Variants in COL11A2 observed in about 807,000 individuals in gnomAD.
COL11A2 encodes the protein collagen type XI alpha 2 chain.
In COL11A2, 116 loss-of-function variants were observed where a neutral mutation model predicts 273.4. The ratio of observed to expected loss-of-function variants is 0.42; its 90% CI spans 0.36 to 0.49. COL11A2 has a LOEUF of 0.49. Among genes scored for constraint, COL11A2 ranks in the 20% least tolerant of loss-of-function variants. COL11A2 has a pLI of 0.00. For synonymous variants in COL11A2, 782 were observed against 864.2 expected, an observed-to-expected ratio of 0.90 and a Z score of 1.67; for missense variants, 1,866 against 2,309.0, an observed-to-expected ratio of 0.81 and a Z score of 3.93.
In COL11A2 at chr6:33,176,417, C is replaced by T. The variant is rs781212829; in HGVS notation, c.2169+16G>A. 7.4e-6 allele frequency: 12 copies of T among 1,612,150 alleles called. No individual in the cohort carries two copies. In the Admixed American group the frequency reaches 2.0e-4, roughly 27 times the overall value. Reference sequence around the variant, plus strand: ...CTGACCACAGCCCTTTGTCTCCCAGCCTGGTGGTCAGTTACCTTGACCCCT... The same window carrying T: ...CTGACCACAGCCCTTTGTCTCCCAGTCTGGTGGTCAGTTACCTTGACCCCT... On this transcript the variant is annotated intron_variant, in intron 27 of 65. Transcript: ENST00000341947. This position sits in a 1 kb window ranked among gnomAD's most constrained non-coding sequence, Gnocchi z 4.9.
upstream of COL11A2, among the ~76,000 whole-genome samples, chr6:33,193,294 G>A (rs951658398): frequency 1.5e-4 from 23 of 151,922 alleles, no homozygotes; most frequent in Admixed American, 1.5e-3. Context: ...CCGGAGGGAA[G>A]GCCGCAGCGA....
In COL11A2 at chr6:33,177,949, T is replaced by C; in HGVS notation, c.1872+183A>G. On this transcript the variant is annotated intron_variant, in intron 21 of 65. Coordinates refer to ENST00000341947, the MANE Select transcript of COL11A2 (RefSeq NM_080680.3). This position sits in a 1 kb window ranked among gnomAD's most constrained non-coding sequence, Gnocchi z 5.9. The stretch of plus-strand genomic sequence containing the variant: ...AGAGCCCTCAGGGCACCACGCCACA[T>C]GGCCCTCCCTGTGCACGGGGAGCGA... 1 of 781,666 alleles carries C rather than the reference T, an allele frequency of 1.3e-6. No homozygotes were observed. The highest frequency in any genetic ancestry group is 2.1e-6 in the Non-Finnish European group (1 of 479,048). The allele number at this position is 781,666 out of a possible 1,614,324, so 48.4% of individuals were successfully genotyped here. A position where few individuals can be genotyped will look rare whatever the true frequency, so the allele number is the denominator to read the frequency against.
In COL11A2 at chr6:33,178,949, G is replaced by C. The variant is rs149697159; in HGVS notation, c.1636C>G (p.Arg546Gly). 4.5e-5 allele frequency: 72 copies of C among 1,614,034 alleles called. No individual in the cohort carries two copies. The African/African-American group carries it at 8.3e-4, about 19-fold the overall frequency. ...ACTCCAGGATCTCCAGGCATCCCTCGGGCTCCATCAGCACCTGCCCGGCCC... is the reference window on the plus strand; with the variant it reads ...ACTCCAGGATCTCCAGGCATCCCTCCGGCTCCATCAGCACCTGCCCGGCCC... The part of the protein sequence containing the change: ...RRGRAGADGA[R>G]GMPGDPGVKG... Residue 546 changes from arginine to glycine, a missense_variant, in exon 17 of 66, where the codon CGA (arginine) becomes GGA (glycine). Physicochemically the swap from Arg to Gly is moderately radical, Grantham distance 125 (BLOSUM62 -2). Transcript: ENST00000341947. This position sits in a 1 kb window ranked among gnomAD's most constrained non-coding sequence, Gnocchi z 4.6.
Position 33,170,901 on chromosome 6 carries a change from G to A in COL11A2, c.3383C>T (p.Pro1128Leu), listed in dbSNP as rs780328233. ...QPGAAGADGEPGARGPQGHFG... is the reference protein window; with the variant it reads ...QPGAAGADGELGARGPQGHFG... ...GTGTCCCTGGGGTCCCCGAGCTCCG[G>A]GCTCCCCATCTGCTCCCTGCAGGGT... Residue 1128 changes from proline to leucine, a missense_variant, in exon 46 of 66, where the codon CCC (proline) becomes CTC (leucine). Coordinates refer to ENST00000341947, the MANE Select transcript of COL11A2 (RefSeq NM_080680.3). The surrounding 1 kb of genome is among the most constrained non-coding windows in gnomAD (Gnocchi z 4.3). The A allele has an allele frequency of 5.0e-6, 8 of 1,612,882 alleles. No individual in the cohort carries two copies. Among genetic ancestry groups the A allele is most frequent in the Non-Finnish European group, 5.1e-6 (6 of 1,179,968 alleles).
At position 33,176,569 on chromosome 6, in the gene COL11A2, A is replaced by T; in HGVS notation, c.2116-83T>A. Reference sequence around the variant, plus strand: ...TCCAGGGGTGGAAGAAATGGAAGTAACAACATTGCTGTCTGGGTAGGGTTA... The same window carrying T: ...TCCAGGGGTGGAAGAAATGGAAGTATCAACATTGCTGTCTGGGTAGGGTTA... On this transcript the variant is annotated intron_variant, in intron 26 of 65. Coordinates refer to ENST00000341947, the MANE Select transcript of COL11A2 (RefSeq NM_080680.3). The surrounding 1 kb of genome is among the most constrained non-coding windows in gnomAD (Gnocchi z 4.9). 7.0e-7 allele frequency: 1 copy of T among 1,438,134 alleles called. No homozygotes were observed. Among genetic ancestry groups the T allele is most frequent in the East Asian group, 2.3e-5 (1 of 43,784 alleles). 89.1% of individuals were successfully genotyped at this position (1,438,134 alleles called of 1,614,324 possible). A position where few individuals can be genotyped will look rare whatever the true frequency, so the allele number is the denominator to read the frequency against.
Position 33,178,287 on chromosome 6 carries a change from C to G in COL11A2, c.1818+21G>C, listed in dbSNP as rs528019064. 6.8e-6 allele frequency: 11 copies of G among 1,612,904 alleles called. No homozygotes were observed. In the African/African-American group the frequency reaches 1.2e-4, roughly 18 times the overall value. ...GCTTCCCCAGAGCCCCCTCCCCCAG[C>G]ACCAGCCCTTGGACACTCACCGACT... On this transcript the variant is annotated intron_variant, in intron 20 of 65. Transcript: ENST00000341947. The surrounding 1 kb of genome is among the most constrained non-coding windows in gnomAD (Gnocchi z 4.6).
chr6:33,172,444 C>T (rs550416164), intron 39 of COL11A2, 66 bp from the exon 40 acceptor site: 26 of 1,554,740 alleles, frequency 1.7e-5, no homozygotes, highest in East Asian at 1.4e-4. Context: ...GCTCTCCAGC[C>T]CCCCCTCAAA....
intron 40 of COL11A2, 60 bp downstream of exon 40, chr6:33,172,229 G>A: frequency 6.4e-7 from 1 of 1,573,748 alleles, no homozygotes; most frequent in Non-Finnish European, 8.7e-7. Flanking sequence ...GACAGGGTCG[G>A]GGTGGGGACT....
chr6:33,182,032 T>C (rs964297860), intron 8 of COL11A2, among the ~76,000 whole-genome samples: 30 of 152,258 alleles, frequency 2.0e-4, no homozygotes, highest in African/African-American at 6.5e-4. Flanking sequence ...CCCAGCACTT[T>C]GGGAGGCGGA....
Position 33,172,279 on chromosome 6 carries a change from T to C in COL11A2, c.2988+10A>G. On this transcript the variant is annotated intron_variant, in intron 40 of 65. Coordinates refer to ENST00000341947, the MANE Select transcript of COL11A2 (RefSeq NM_080680.3). ...CTTGTGACAGGCAGGGGTCTGGGAG[T>C]CACACTCACAGCAGTGCCTGGGAGG... The C allele has an allele frequency of 2.5e-6, 4 of 1,582,480 alleles. No homozygotes were observed. Among genetic ancestry groups the C allele is most frequent in the Non-Finnish European group, 3.4e-6 (4 of 1,165,350 alleles).
Position 33,166,222 on chromosome 6 carries a change from C to A in COL11A2, c.4393-16G>T, listed in dbSNP as rs1769117612. ...CAGCAGGTCCCTGTGAAATGAGGAA[C>A]AAGAAAGAGACGGTCACTGCAGGGG... On this transcript the variant is annotated splice_polypyrimidine_tract_variant and intron_variant, in intron 60 of 65. Transcript: ENST00000341947. This position sits in a 1 kb window ranked among gnomAD's most constrained non-coding sequence, Gnocchi z 4.8. 1.9e-6 allele frequency: 3 copies of A among 1,594,474 alleles called. No homozygotes were observed. In the South Asian group the frequency reaches 3.4e-5, roughly 18 times the overall value.
rs1287938014 is a variant in COL11A2, at chr6:33,192,143, T to TCAGG, written c.82+12_82+15dup. ...CAGCCTGACTCCGAGGACCCAGGCATCAGGACTCCTCTTACCTGCCCAGCC... is the reference window on the plus strand; with the variant it reads ...CAGCCTGACTCCGAGGACCCAGGCATCAGGCAGGACTCCTCTTACCTGCCCAGCC... On this transcript the variant is annotated intron_variant, in intron 1 of 65. Transcript: ENST00000341947. The TCAGG allele has an allele frequency of 6.4e-7, 1 of 1,551,848 alleles. No homozygotes were observed. Among genetic ancestry groups the TCAGG allele is most frequent in the Admixed American group, 2.0e-5 (1 of 51,160 alleles).
chr6:33,183,461 A>C (rs1316526437), intron 8 of COL11A2, among the ~76,000 whole-genome samples: 1 of 152,270 alleles, frequency 6.6e-6, no homozygotes, highest in Non-Finnish European at 1.5e-5. Flanking sequence ...ACAAACATCA[A>C]GGCTAGGACA....
chr6:33,180,045 G>T (rs190100964), intron 12 of COL11A2, among the ~76,000 whole-genome samples: 1 of 152,292 alleles, frequency 6.6e-6, no homozygotes, highest in Non-Finnish European at 1.5e-5. Flanking sequence ...AATATAGGCT[G>T]TTCTGCCCAG....
At position 33,180,987 on chromosome 6, in the gene COL11A2, G is replaced by T. The variant is rs776870776; in HGVS notation, c.1198C>A (p.Pro400Thr). Reference protein sequence around the residue: ...VLEPGMLVEGPPGPEGPAGLI... With the variant: ...VLEPGMLVEGTPGPEGPAGLI... The stretch of plus-strand genomic sequence containing the variant: ...ACCGCAGGGCCTTCTGGGCCAGGGG[G>T]CCCCTCCACGAGCATACCCTGTGGA... Residue 400 changes from proline (P) to threonine (T), a missense_variant, in exon 10 of 66, where the codon CCC becomes ACC. Coordinates refer to ENST00000341947, the MANE Select transcript of COL11A2 (RefSeq NM_080680.3). 6.2e-7 allele frequency: 1 copy of T among 1,614,054 alleles called. No homozygotes were observed. The highest frequency in any genetic ancestry group is 1.7e-5 in the Admixed American group (1 of 60,030).
intron 8 of COL11A2, among the ~76,000 whole-genome samples, chr6:33,183,054 GA>G (rs1771928992): frequency 6.6e-6 from 1 of 152,188 alleles, no homozygotes; most frequent in South Asian, 2.1e-4. Context: ...CAAGAGAGGG[GA>G]GGTATGGGAT....
chr6:33,192,253 G>GA lies in COL11A2; in HGVS notation c.-14dup. 1 of 1,552,692 alleles carries GA rather than the reference G, an allele frequency of 6.4e-7. No homozygotes were observed. The stretch of plus-strand genomic sequence containing the variant: ...TGCACCGCTCCATGGCTGAGAAGCC[G>GA]AAACGCCGGGTCCCAGGGACCCAGG... On this transcript the variant is annotated 5_prime_UTR_variant, in exon 1 of 66. Coordinates refer to ENST00000341947, the MANE Select transcript of COL11A2 (RefSeq NM_080680.3).
At position 33,164,563 on chromosome 6, in the gene COL11A2, C is replaced by G; in HGVS notation, c.4864-90G>C. 1.9e-6 allele frequency: 2 copies of G among 1,071,830 alleles called. No homozygotes were observed. Among genetic ancestry groups the G allele is most frequent in the Non-Finnish European group, 2.6e-6 (2 of 755,268 alleles). The allele number at this position is 1,071,830 out of a possible 1,614,324, so 66.4% of individuals were successfully genotyped here. On this transcript the variant is annotated intron_variant, in intron 64 of 65. Coordinates refer to ENST00000341947, the MANE Select transcript of COL11A2 (RefSeq NM_080680.3). The surrounding 1 kb of genome is among the most constrained non-coding windows in gnomAD (Gnocchi z 4.7). ...AGACGGGCCTCAGGAGCATCTACGG[C>G]ACCAGGACAGCTGAGCCAGAGTCAT... is the stretch of plus-strand genomic sequence containing the variant.
Position 33,168,980 on chromosome 6 carries a change from C to A in COL11A2, c.3827G>T (p.Gly1276Val). 1 of 1,573,566 alleles carries A rather than the reference C, an allele frequency of 6.4e-7. No homozygotes were observed. The change falls in exon 52 of 66, where the codon GGC becomes GTC. Residue 1276 changes from glycine to valine, a missense_variant. Coordinates refer to ENST00000341947, the MANE Select transcript of COL11A2 (RefSeq NM_080680.3). Reference protein sequence around the residue: ...PGPVGFPGDPGPPGEGGPRGQ... With the variant: ...PGPVGFPGDPVPPGEGGPRGQ... ...CCGAGGGCCACCTTCTCCAGGGGGG[C>A]CAGGGTCACCAGGAAAACCAACAGG... is the stretch of plus-strand genomic sequence containing the variant.
Sources: gnomAD v4.1 joint callset for allele counts (sites outside exome capture counted in the v4.1 genomes callset) on GRCh38, gnomAD v4.1.1 for gene constraint, Gnocchi (gnomAD v3.1) non-coding constraint, MANE v1.5 for transcripts, NCBI Gene and HGNC (gene_info 2026-07-23, HGNC 2026-07-21) for gene names.